Variants in GLDC observed in about 807,000 individuals in gnomAD.
GLDC encodes the protein glycine dehydrogenase (decarboxylating), mitochondrial.
GLDC carries 104 observed loss-of-function variants against 121.3 expected under a neutral mutation model. The observed-to-expected ratio is 0.86, with a 90% CI of 0.73 to 1.01. GLDC has a LOEUF of 1.01. Among genes scored for constraint, GLDC ranks in the 50% least tolerant of loss-of-function variants. The probability of loss-of-function intolerance (pLI) is 0.00; values close to 1 mark genes in which losing one functional copy is unlikely to be tolerated. For missense variants in GLDC, 1,429 were observed against 1,306.6 expected (o/e 1.09, Z -1.44); for synonymous variants, 546 against 480.6 (o/e 1.14, Z -1.78).
At chr9:6,617,903 G>T (rs1457913273) in intron 3 of GLDC, among the ~76,000 whole-genome samples, 1 of 152,164 alleles carries the variant, frequency 6.6e-6, no homozygotes, top group Non-Finnish European at 1.5e-5. Flanking sequence ...TTCCCACTTA[G>T]TGAAGCCTGC....
intron 15 of GLDC, among the ~76,000 whole-genome samples, chr9:6,581,944 G>T (rs1818177578): frequency 6.6e-6 from 1 of 152,144 alleles, no homozygotes. Flanking sequence ...GGCTGGGCGT[G>T]GTGTTCCCGC....
rs1291062152 is a variant in GLDC at position 6,604,581 on chromosome 9, C to T, written c.1058+7G>A. On this transcript the variant is annotated splice_region_variant and intron_variant, in intron 7 of 24. Transcript: ENST00000321612. ...CAATAAAAGTAGAGAAACATGAGCCCCTTTACCTTGTTACCCCCACCATTC... is the reference window on the plus strand; with the variant it reads ...CAATAAAAGTAGAGAAACATGAGCCTCTTTACCTTGTTACCCCCACCATTC... The T allele has an allele frequency of 2.5e-6, 4 of 1,607,790 alleles. No homozygotes were observed. Among genetic ancestry groups the T allele is most frequent in the East Asian group, 4.5e-5 (2 of 44,846 alleles).
At chr9:6,552,257 C>T (rs1817531932) in intron 20 of GLDC, among the ~76,000 whole-genome samples, 1 of 152,182 alleles carries the variant, frequency 6.6e-6, no homozygotes, top group Non-Finnish European at 1.5e-5. Context: ...TAAACTGAGG[C>T]ACCAGCTGTT....
chr9:6,611,116 A>G lies in GLDC; in HGVS notation c.471-760T>C, dbSNP rs12156494. ...GTCTACTTAAGAATTCTCATTATCC[A>G]GTTACTAAGAGTCCATGGCAGTTAA... On this transcript the variant is annotated intron_variant, in intron 3 of 24. Transcript: ENST00000321612. Among the ~76,000 whole-genome samples, 950 of 152,370 alleles carry G rather than the reference A, an allele frequency of 6.2e-3. 4 individuals are homozygous for G. The highest frequency in any genetic ancestry group is 9.3e-3 in the Non-Finnish European group (631 of 68,044).
At chr9:6,620,403 G>T (rs902468419) in intron 2 of GLDC, 84 bp from the exon 3 acceptor site, 2 of 1,158,996 alleles carry the variant, frequency 1.7e-6, no homozygotes, top group South Asian at 1.2e-5. Flanking sequence ...CATTTTGTTT[G>T]AGTATTTATG....
chr9:6,563,875 CTG>C (rs1817804065), intron 16 of GLDC, among the ~76,000 whole-genome samples: 1 of 152,028 alleles, frequency 6.6e-6, no homozygotes, highest in Non-Finnish European at 1.5e-5. Flanking sequence ...AGGGTCATGC[CTG>C]TAATCCTGGT....
rs1174510824 is a variant in GLDC, at chr9:6,632,621, A to C, written c.334+11993T>G. Among the ~76,000 whole-genome samples, 5 of 152,220 alleles carry C rather than the reference A, an allele frequency of 3.3e-5. 1 individual carries two copies. Reference sequence around the variant, plus strand: ...GTGGGGAAGAGGACATGAAGAATAGAAGTCACAACACAGATTCGCCCACAG... The same window carrying C: ...GTGGGGAAGAGGACATGAAGAATAGCAGTCACAACACAGATTCGCCCACAG... On this transcript the variant is annotated intron_variant, in intron 2 of 24. Transcript: ENST00000321612.
intron 23 of GLDC, among the ~76,000 whole-genome samples, chr9:6,535,385 C>T (rs1195676003): frequency 6.6e-6 from 1 of 151,292 alleles, no homozygotes; most frequent in Admixed American, 6.6e-5. Context: ...GTGAACTCAC[C>T]TCTAGAGAGG....
rs188216970 is a variant in GLDC at position 6,611,353 on chromosome 9, C to A, written c.471-997G>T. ...CGGGCGGATCACGAGGTCAGGAGAT[C>A]GAGACCATCCTGGCTAACATGGTGA... On this transcript the variant is annotated intron_variant, in intron 3 of 24. Coordinates refer to ENST00000321612, the MANE Select transcript of GLDC (RefSeq NM_000170.3). Among the ~76,000 whole-genome samples the A allele has an allele frequency of 1.2e-4, 19 of 152,278 alleles. 1 individual carries two copies. The highest frequency in any genetic ancestry group is 3.4e-3 in the Middle Eastern group (1 of 294).
Position 6,637,200 on chromosome 9 carries a change from T to A in GLDC, c.334+7414A>T, listed in dbSNP as rs573276658. Among the ~76,000 whole-genome samples the A allele has an allele frequency of 1.8e-3, 277 of 151,308 alleles. 2 individuals carry two copies. Among genetic ancestry groups the A allele is most frequent in the African/African-American group, 6.3e-3 (261 of 41,214 alleles). On this transcript the variant is annotated intron_variant, in intron 2 of 24. Coordinates refer to ENST00000321612, the MANE Select transcript of GLDC (RefSeq NM_000170.3). Reference sequence around the variant, plus strand: ...CAGGCGGATCACTTGAGGTCAGGAGTTCGAAACCAGCCTGGCCAACATGGT... The same window carrying A: ...CAGGCGGATCACTTGAGGTCAGGAGATCGAAACCAGCCTGGCCAACATGGT...
In GLDC at chr9:6,593,847, C is replaced by T. The variant is rs559774984; in HGVS notation, c.1262-857G>A. Among the ~76,000 whole-genome samples the T allele has an allele frequency of 8.2e-4, 124 of 151,906 alleles. 1 individual carries two copies. The Middle Eastern group carries it at 0.017, about 21-fold the overall frequency. On this transcript the variant is annotated intron_variant, in intron 9 of 24. Transcript: ENST00000321612. ...AGCTGGGACTACAGGAGTATGCCAC[C>T]ACTCCCAGCTGATTTTTGTATTTTT...
At chr9:6,533,283 C>A in intron 24 of GLDC, 123 bp from the exon 25 acceptor site, 2 of 867,060 alleles carry the variant, frequency 2.3e-6, no homozygotes, top group Middle Eastern at 2.2e-4. Context: ...ATTCTGAGAA[C>A]CTAAAATCCA....
At chr9:6,616,868 G>C (rs939537297) in intron 3 of GLDC, among the ~76,000 whole-genome samples, 1 of 152,088 alleles carries the variant, frequency 6.6e-6, no homozygotes, top group Non-Finnish European at 1.5e-5. Flanking sequence ...GGGGGTTATG[G>C]GGGTTTGCAG....
intron 1 of GLDC, 77 bp from the exon 2 acceptor site, chr9:6,644,769 C>T: frequency 1.0e-6 from 1 of 959,612 alleles, no homozygotes; most frequent in Non-Finnish European, 1.7e-6. Flanking sequence ...ACTACAAAGC[C>T]TTGTGGGAAC....
chr9:6,548,791 T>G lies in GLDC; in HGVS notation c.2569+2012A>C, dbSNP rs371206330. Among the ~76,000 whole-genome samples the G allele has an allele frequency of 1.7e-4, 26 of 152,336 alleles. 1 individual carries two copies. The East Asian group carries it at 4.8e-3, about 28-fold the overall frequency. The stretch of plus-strand genomic sequence containing the variant: ...GCAAGGACTTGTACCTGGTTCTCAG[T>G]TCCAGCCTTTCCCTTCCAGGGTGAC... On this transcript the variant is annotated intron_variant, in intron 21 of 24. Coordinates refer to ENST00000321612, the MANE Select transcript of GLDC (RefSeq NM_000170.3).
In GLDC at chr9:6,565,372, T is replaced by C. The variant is rs552960907; in HGVS notation, c.1908A>G (p.Lys636=). Residue 636 remains lysine (K), a synonymous_variant, in exon 16 of 25, where the codon AAA becomes AAG. Transcript: ENST00000321612. The part of the protein sequence containing the change: ...LATIRAYLNQ[K]GEGHRTVCLI... ...TACTCACCGTTCTGTGCCCCTCTCC[T>C]TTCTGGTTTAAGTAGGCTCGGATAG... is the stretch of plus-strand genomic sequence containing the variant. 27 of 1,613,506 alleles carry C rather than the reference T, an allele frequency of 1.7e-5. No individual in the cohort carries two copies. Among genetic ancestry groups the C allele is most frequent in the African/African-American group, 1.2e-4 (9 of 75,044 alleles).
At chr9:6,556,996 C>T (rs1039989649) in intron 17 of GLDC, among the ~76,000 whole-genome samples, 1 of 152,054 alleles carries the variant, frequency 6.6e-6, no homozygotes, top group Non-Finnish European at 1.5e-5. Context: ...CATAGTTAAT[C>T]TCTCTGCTCA....
At position 6,606,580 on chromosome 9, in the gene GLDC, C is replaced by T; in HGVS notation, c.713+12G>A. 6.6e-7 allele frequency: 1 copy of T among 1,518,062 alleles called. No homozygotes were observed. The highest frequency in any genetic ancestry group is 9.2e-7 in the Non-Finnish European group (1 of 1,092,708). 94.0% of individuals were successfully genotyped at this position (1,518,062 alleles called of 1,614,324 possible). ...ATTATACTGAGTTTAAAACACGAAT[C>T]AAATTAATTACTTGGCTCGAGTCTG... On this transcript the variant is annotated intron_variant, in intron 5 of 24. Coordinates refer to ENST00000321612, the MANE Select transcript of GLDC (RefSeq NM_000170.3).
Position 6,644,601 on chromosome 9 carries a change from C to T in GLDC, c.334+13G>A, listed in dbSNP as rs749620185. The T allele has an allele frequency of 3.8e-6, 6 of 1,586,946 alleles. No homozygotes were observed. The East Asian group carries it at 6.7e-5, about 18-fold the overall frequency. On this transcript the variant is annotated intron_variant, in intron 2 of 24. Transcript: ENST00000321612. ...AATAATCTAAGTCCAAGGGAGCCCT[C>T]CCGGCCACTTACAAACAGGGTCTTC... is the stretch of plus-strand genomic sequence containing the variant.
Sources: gnomAD v4.1 joint callset for allele counts (sites outside exome capture counted in the v4.1 genomes callset) on GRCh38, gnomAD v4.1.1 for gene constraint, MANE v1.5 for transcripts, NCBI Gene and HGNC (gene_info 2026-07-23, HGNC 2026-07-21) for gene names.